ABR: variants seen among roughly 807,000 people sequenced by gnomAD.
ABR encodes the protein ABR activator of RhoGEF and GTPase.
In ABR, 35 loss-of-function variants were observed where a neutral mutation model predicts 107.2. That is an observed-to-expected ratio of 0.33 (90% CI 0.25 to 0.43). The LOEUF is 0.43. Among genes scored for constraint, ABR ranks in the 20% least tolerant of loss-of-function variants. The pLI is 1.00. For synonymous variants in ABR, 498 were observed against 462.0 expected (o/e 1.08, Z -1.00); for missense variants, 815 against 1,115.2 (o/e 0.73, Z 3.83).
At chr17:1,166,327 C>T (rs2041505816) in intron 1 of ABR, among the ~76,000 whole-genome samples, 2 of 151,946 alleles carry the variant, frequency 1.3e-5, no homozygotes, top group African/African-American at 4.8e-5. Flanking sequence ...GTGCCCAGTC[C>T]CCGGTCCTGA....
At position 1,179,548 on chromosome 17, in the gene ABR, G is replaced by T; in HGVS notation, c.61+119C>A. The T allele has an allele frequency of 8.8e-7, 1 of 1,132,382 alleles. No homozygotes were observed. The highest frequency in any genetic ancestry group is 1.2e-6 in the Non-Finnish European group (1 of 854,348). 70.1% of individuals were successfully genotyped at this position (1,132,382 alleles called of 1,614,324 possible). ...GCCCCCGCCCGCGCTCCCCGGACCA[G>T]CCCGGTGCCTGGGTCCCGATCCCGA... On this transcript the variant is annotated intron_variant, in intron 1 of 22. Transcript: ENST00000302538. This position sits in a 1 kb window ranked among gnomAD's most constrained non-coding sequence, Gnocchi z 4.9.
intron 16 of ABR, among the ~76,000 whole-genome samples, chr17:1,016,317 C>CTTT (rs151002591): frequency 2.2e-5 from 3 of 134,912 alleles, no homozygotes; most frequent in African/African-American, 5.4e-5. Flanking sequence ...CCCAACGTTT[C>CTTT]TTTTTTTTTT....
chr17:1,115,881 C>G (rs1389778811), intron 2 of ABR, among the ~76,000 whole-genome samples: 1 of 146,618 alleles, frequency 6.8e-6, no homozygotes, highest in African/African-American at 2.5e-5. Context: ...GAGCCGAGAT[C>G]ACACCACTGC....
intron 2 of ABR, chr17:1,109,233 T>TCCG (rs972518297): frequency 9.8e-5 from 91 of 924,270 alleles, no homozygotes; most frequent in Middle Eastern, 3.8e-4. Context: ...TCCAGCCCGC[T>TCCG]CCGCCGCCGC....
At chr17:1,125,838 C>CA (rs2039576183) in intron 1 of ABR, 1 of 171,186 alleles carries the variant, frequency 5.8e-6, no homozygotes, top group Non-Finnish European at 1.2e-5. Flanking sequence ...TGAGCCCACT[C>CA]CCTCCAGGGG....
chr17:1,202,744 C>T (rs576669108), intron 1 of ABR, among the ~76,000 whole-genome samples: 7 of 152,250 alleles, frequency 4.6e-5, no homozygotes, highest in African/African-American at 1.2e-4. Flanking sequence ...GGAAACACTG[C>T]GGCTAGAAAC....
intron 1 of ABR, among the ~76,000 whole-genome samples, chr17:1,205,124 A>C (rs2042765383): frequency 6.7e-6 from 1 of 149,540 alleles, no homozygotes; most frequent in Admixed American, 6.7e-5. Flanking sequence ...CAGCTCTCAA[A>C]CTCCTGACCT....
intron 1 of ABR, among the ~76,000 whole-genome samples, chr17:1,152,260 G>T (rs1261371492): frequency 7.6e-6 from 1 of 131,804 alleles, no homozygotes; most frequent in African/African-American, 2.9e-5. Context: ...TCCAGCCTGG[G>T]CTACAGAGCG....
chr17:1,037,046 T>C lies in ABR; in HGVS notation c.1791+13004A>G, dbSNP rs1302608889. Among the ~76,000 whole-genome samples, 1 of 132,930 alleles carries C rather than the reference T, an allele frequency of 7.5e-6. No homozygotes were observed. Among genetic ancestry groups the C allele is most frequent in the East Asian group, 2.4e-4 (1 of 4,122 alleles). The allele number at this position is 132,930 out of a possible 152,430, so 87.2% of individuals were successfully genotyped here. A position where few individuals can be genotyped will look rare whatever the true frequency, so the allele number is the denominator to read the frequency against. ...TTCCTTCCATCCATCCACCCATCCA[T>C]CCATCCATCCACCCATCCATCCACC... On this transcript the variant is annotated intron_variant, in intron 16 of 22. Transcript: ENST00000302538. The surrounding 1 kb of genome is among the most constrained non-coding windows in gnomAD (Gnocchi z 4.6).
chr17:1,050,008 C>A lies in ABR; in HGVS notation c.1791+42G>T, dbSNP rs745757064. The stretch of plus-strand genomic sequence containing the variant: ...AATTCCTTTTCAACTGGAACCACCT[C>A]CTGGAGGCTCCCTCAGCCTCGCCCC... On this transcript the variant is annotated intron_variant, in intron 16 of 22. Coordinates refer to ENST00000302538, the MANE Select transcript of ABR (RefSeq NM_021962.5). This position sits in a 1 kb window ranked among gnomAD's most constrained non-coding sequence, Gnocchi z 4.6. 6.3e-7 allele frequency: 1 copy of A among 1,591,878 alleles called. No individual in the cohort carries two copies. The highest frequency in any genetic ancestry group is 1.8e-5 in the Admixed American group (1 of 55,020).
At chr17:1,039,720 G>A (rs1270818179) in intron 16 of ABR, 1 of 152,290 alleles carries the variant, frequency 6.6e-6, no homozygotes, top group African/African-American at 2.4e-5. Flanking sequence ...TGTGCCTGGG[G>A]AACTGGCACA....
chr17:1,018,994 G>A (rs1157814882), intron 16 of ABR, among the ~76,000 whole-genome samples: 1 of 152,182 alleles, frequency 6.6e-6, no homozygotes, highest in African/African-American at 2.4e-5. Context: ...TGCTGAAACT[G>A]CAGAATGTGT....
chr17:1,061,785 G>A (rs2033962679), intron 10 of ABR, among the ~76,000 whole-genome samples: 1 of 152,116 alleles, frequency 6.6e-6, no homozygotes, highest in South Asian at 2.1e-4. Flanking sequence ...GGCCTCAAGT[G>A]ACCCACCCGT....
intron 2 of ABR, among the ~76,000 whole-genome samples, chr17:1,114,738 A>G (rs1043113961): frequency 6.6e-6 from 1 of 151,940 alleles, no homozygotes; most frequent in Non-Finnish European, 1.5e-5. Flanking sequence ...GCGCCACTGC[A>G]CTCCAGCCTG....
chr17:1,153,154 G>T (rs1320808736), intron 1 of ABR, among the ~76,000 whole-genome samples: 2 of 152,232 alleles, frequency 1.3e-5, no homozygotes, highest in Non-Finnish European at 2.9e-5. Flanking sequence ...ATGGGGACCA[G>T]TCTGGACCCC....
chr17:1,100,556 C>T (rs1466871774), intron 3 of ABR, 81 bp downstream of exon 3: 1 of 1,374,796 alleles, frequency 7.3e-7, no homozygotes, highest in African/African-American at 1.4e-5. Flanking sequence ...TCCTCTCCAA[C>T]TCCAAAAGCA....
At chr17:1,185,654 T>TA (rs775804045) in intron 1 of ABR, among the ~76,000 whole-genome samples, 745 of 39,360 alleles carry the variant, frequency 0.019, 15 homozygotes, top group Middle Eastern at 0.096. Context: ...CAGAAAGAAA[T>TA]AAAAAAAAAA....
chr17:1,054,058 G>A (rs973790650), intron 14 of ABR, among the ~76,000 whole-genome samples: 1 of 152,210 alleles, frequency 6.6e-6, no homozygotes, highest in Non-Finnish European at 1.5e-5. Context: ...GGAAGACGTG[G>A]ATTCTGCTGC....
upstream of ABR, among the ~76,000 whole-genome samples, chr17:1,190,736 G>A (rs746730737): frequency 3.3e-5 from 5 of 152,156 alleles, 1 homozygote; most frequent in Non-Finnish European, 7.4e-5. Context: ...TGCCCGTCCC[G>A]TCTGCTCTCG....
Sources: gnomAD v4.1 joint callset for allele counts (sites outside exome capture counted in the v4.1 genomes callset) on GRCh38, gnomAD v4.1.1 for gene constraint, Gnocchi (gnomAD v3.1) non-coding constraint, MANE v1.5 for transcripts, NCBI Gene and HGNC (gene_info 2026-07-23, HGNC 2026-07-21) for gene names.